Variants in CSMD3 observed in about 807,000 individuals in gnomAD.
CSMD3 encodes CUB and Sushi multiple domains 3.
Under a neutral mutation model 435.2 loss-of-function variants are expected in CSMD3, and 177 were observed. The ratio of observed to expected loss-of-function variants is 0.41; its 90% CI spans 0.36 to 0.46. CSMD3 has a LOEUF of 0.46. CSMD3 is among the 20% of genes least tolerant of loss of function. CSMD3 has a pLI of 0.34. For synonymous variants in CSMD3, 1,656 were observed against 1,520.5 expected (o/e 1.09, Z -2.07); for missense variants, 4,265 against 4,504.6 (o/e 0.95, Z 1.52).
intron 32 of CSMD3, among the ~76,000 whole-genome samples, chr8:112,419,269 A>G (rs778712588): frequency 6.6e-6 from 1 of 152,116 alleles, no homozygotes; most frequent in Non-Finnish European, 1.5e-5. Context: ...GCATGGCTCC[A>G]CCCTAGAATG....
At chr8:113,011,215 A>C (rs1390841805) in intron 6 of CSMD3, among the ~76,000 whole-genome samples, 1 of 151,792 alleles carries the variant, frequency 6.6e-6, no homozygotes, top group Non-Finnish European at 1.5e-5. Context: ...CTAAAACCTT[A>C]TTTTATATAT....
chr8:112,443,184 C>T (rs150633182), intron 32 of CSMD3, among the ~76,000 whole-genome samples: 1 of 152,238 alleles, frequency 6.6e-6, no homozygotes, highest in African/African-American at 2.4e-5. Context: ...GAATGCTGTT[C>T]TTCCCTCACT....
intron 2 of CSMD3, among the ~76,000 whole-genome samples, chr8:113,280,552 C>G (rs1305426640): frequency 6.6e-6 from 1 of 151,808 alleles, no homozygotes; most frequent in Non-Finnish European, 1.5e-5. Flanking sequence ...GATTTCTTCT[C>G]TTTTCTTGGT....
At chr8:112,231,838 GA>G (rs1157463529) in intron 68 of CSMD3, among the ~76,000 whole-genome samples, 6 of 152,044 alleles carry the variant, frequency 3.9e-5, no homozygotes, top group Admixed American at 2.0e-4. Flanking sequence ...AAATAATTAT[GA>G]TATACAAAAC....
At position 113,157,172 on chromosome 8, in the gene CSMD3, C is replaced by T. The variant is rs115361604; in HGVS notation, c.709+16550G>A. On this transcript the variant is annotated intron_variant, in intron 4 of 70. Coordinates refer to ENST00000297405, the MANE Select transcript of CSMD3 (RefSeq NM_198123.2). ...TGTGCTAGTTCTTCAAAAAATTAAA[C>T]ATAGAGTATTGGGGTTTGCTATGCT... Among the ~76,000 whole-genome samples, 911 of 152,178 alleles carry T rather than the reference C, an allele frequency of 6.0e-3. 15 individuals are homozygous for T. Among genetic ancestry groups the T allele is most frequent in the African/African-American group, 0.021 (859 of 41,540 alleles).
At chr8:112,284,725 G>C (rs1352660655) in intron 58 of CSMD3, among the ~76,000 whole-genome samples, 1 of 151,524 alleles carries the variant, frequency 6.6e-6, no homozygotes, top group Non-Finnish European at 1.5e-5. Context: ...ATTTTCCTTG[G>C]AAAACATTCC....
At chr8:112,334,621 T>C (rs1010154231) in intron 45 of CSMD3, among the ~76,000 whole-genome samples, 3 of 152,150 alleles carry the variant, frequency 2.0e-5, no homozygotes, top group Admixed American at 6.5e-5. Context: ...TCATTATAGA[T>C]AAATAGCCAT....
At chr8:112,237,120 T>TAA in intron 67 of CSMD3, 70 bp downstream of exon 67, 1 of 1,509,870 alleles carries the variant, frequency 6.6e-7, no homozygotes, top group Non-Finnish European at 9.2e-7. Flanking sequence ...AAAGCATTAC[T>TAA]AAAAATGATG....
At chr8:112,244,857 T>C (rs1814557148) in intron 64 of CSMD3, among the ~76,000 whole-genome samples, 1 of 152,032 alleles carries the variant, frequency 6.6e-6, no homozygotes, top group Non-Finnish European at 1.5e-5. Context: ...CTCAGAAATG[T>C]ATGCTTTACC....
At chr8:113,281,571 T>C (rs2093613155) in intron 2 of CSMD3, among the ~76,000 whole-genome samples, 1 of 151,874 alleles carries the variant, frequency 6.6e-6, no homozygotes, top group African/African-American at 2.4e-5. Context: ...GTGAGTCTCC[T>C]GAAGGCAGCA....
chr8:112,941,038 T>A (rs1439762396), intron 9 of CSMD3, among the ~76,000 whole-genome samples: 2 of 151,208 alleles, frequency 1.3e-5, no homozygotes, highest in Non-Finnish European at 3.0e-5. Flanking sequence ...GAAAAAAAAA[T>A]TGGGTACTAT....
At chr8:113,417,376 C>T (rs1263141516) in intron 1 of CSMD3, among the ~76,000 whole-genome samples, 2 of 151,578 alleles carry the variant, frequency 1.3e-5, no homozygotes, top group African/African-American at 2.4e-5. Context: ...AAATATAATA[C>T]AATAGAGACA....
chr8:113,049,822 A>G (rs1388816272), intron 5 of CSMD3, among the ~76,000 whole-genome samples: 1 of 152,224 alleles, frequency 6.6e-6, no homozygotes, highest in East Asian at 1.9e-4. Flanking sequence ...GAATATTTTC[A>G]GGGATTACAT....
At chr8:112,422,826 A>G (rs1158105034) in intron 32 of CSMD3, among the ~76,000 whole-genome samples, 1 of 152,246 alleles carries the variant, frequency 6.6e-6, no homozygotes, top group East Asian at 1.9e-4. Context: ...AAAGACAATG[A>G]TCAACAGCAA....
chr8:112,679,061 A>T (rs1298760849), intron 16 of CSMD3, among the ~76,000 whole-genome samples: 1 of 150,000 alleles, frequency 6.7e-6, no homozygotes, highest in Non-Finnish European at 1.5e-5. Flanking sequence ...TGGAAGTTTC[A>T]GGAATGGTGG....
intron 7 of CSMD3, among the ~76,000 whole-genome samples, chr8:112,956,091 G>A (rs935523625): frequency 8.6e-5 from 13 of 151,946 alleles, no homozygotes; most frequent in Non-Finnish European, 1.6e-4. Flanking sequence ...TATCGTTGGA[G>A]CAGGATTTAT....
At position 112,637,023 on chromosome 8, in the gene CSMD3, A is replaced by G. The variant is rs2131582411; in HGVS notation, c.3527-18T>C. The G allele has an allele frequency of 5.0e-6, 8 of 1,606,540 alleles. No homozygotes were observed. Among genetic ancestry groups the G allele is most frequent in the Non-Finnish European group, 6.8e-6 (8 of 1,173,384 alleles). On this transcript the variant is annotated intron_variant, in intron 21 of 70. Coordinates refer to ENST00000297405, the MANE Select transcript of CSMD3 (RefSeq NM_198123.2). ...GTTATATTCTGTAAATTAGAGAGAA[A>G]AATTTCCCCGCGGGGGAGGAAAGGA...
chr8:113,368,301 C>T (rs1459732785), intron 1 of CSMD3, among the ~76,000 whole-genome samples: 1 of 152,100 alleles, frequency 6.6e-6, no homozygotes, highest in Non-Finnish European at 1.5e-5. Flanking sequence ...TCTCAAGTTC[C>T]AAAGCCAGAT....
chr8:113,172,870 T>C (rs948406034), intron 4 of CSMD3, among the ~76,000 whole-genome samples: 22 of 152,192 alleles, frequency 1.4e-4, no homozygotes, highest in African/African-American at 5.3e-4. Context: ...TCCAGAATTT[T>C]TGTAAGAAAA....
Sources: gnomAD v4.1 joint callset for allele counts (sites outside exome capture counted in the v4.1 genomes callset) on GRCh38, gnomAD v4.1.1 for gene constraint, MANE v1.5 for transcripts, NCBI Gene and HGNC (gene_info 2026-07-23, HGNC 2026-07-21) for gene names.